PDLIM1: variants seen among roughly 807,000 people sequenced by gnomAD.
The protein encoded by PDLIM1 is PDZ and LIM domain 1, also known as PDZ and LIM domain protein 1.
A neutral mutation model predicts 35.2 loss-of-function variants in PDLIM1; 25 were observed. The ratio of observed to expected loss-of-function variants is 0.71; its 90% CI spans 0.52 to 0.99. The LOEUF (loss-of-function observed/expected upper bound fraction) is 0.99, where lower values mean the gene tolerates loss of function less well. PDLIM1 is among the 50% of genes least tolerant of loss of function. PDLIM1 has a pLI of 0.00. For synonymous variants in PDLIM1, 152 were observed against 154.0 expected, an observed-to-expected ratio of 0.99 and a Z score of 0.10; for missense variants, 363 against 415.3, an observed-to-expected ratio of 0.87 and a Z score of 1.09.
intron 4 of PDLIM1, among the ~76,000 whole-genome samples, chr10:95,256,985 AAAAAGAAAGAAAGAAAGAAAGAAAGAAAG>A (rs1162066053): frequency 1.3e-4 from 15 of 119,182 alleles, no homozygotes; most frequent in South Asian, 1.1e-3. Flanking sequence ...AAAAAAAAAA[AAAAAGAAAGAAAGAAAGAAAGAAAGAAAG>A]AAAGAAAGAA....
At chr10:95,280,476 A>G (rs2035552072) in intron 1 of PDLIM1, among the ~76,000 whole-genome samples, 1 of 152,222 alleles carries the variant, frequency 6.6e-6, no homozygotes, top group African/African-American at 2.4e-5. Context: ...TATGGAAAGC[A>G]TGATTATATG....
intron 4 of PDLIM1, among the ~76,000 whole-genome samples, chr10:95,260,068 T>A (rs1243565431): frequency 1.3e-5 from 2 of 152,272 alleles, no homozygotes; most frequent in African/African-American, 4.8e-5. Flanking sequence ...ATGGAGTTCC[T>A]CATGGAAACT....
intron 4 of PDLIM1, 115 bp from the exon 5 acceptor site, chr10:95,247,481 A>C: frequency 1.5e-5 from 12 of 826,478 alleles, no homozygotes; most frequent in Non-Finnish European, 2.1e-5. Context: ...AAATGATCTC[A>C]AAGCCCTCTC....
chr10:95,247,484 G>T, intron 4 of PDLIM1, 118 bp from the exon 5 acceptor site: 2 of 807,116 alleles, frequency 2.5e-6, no homozygotes, highest in Non-Finnish European at 3.9e-6. Flanking sequence ...TGATCTCAAA[G>T]CCCTCTCCTA....
In PDLIM1 at chr10:95,263,863, C is replaced by G; in HGVS notation, c.533+1G>C. 1.2e-6 allele frequency: 2 copies of G among 1,606,286 alleles called. No homozygotes were observed. The highest frequency in any genetic ancestry group is 1.7e-6 in the Non-Finnish European group (2 of 1,175,302). On this transcript the variant is annotated splice_donor_variant, in intron 4 of 6. Transcript: ENST00000329399. LOFTEE classifies it high-confidence loss of function. ...CAGAGGAGGACTCCTGGGCTACTTA[C>G]GGTCTGCTGTTCGCCTCCACCCCGC...
chr10:95,264,508 C>T (rs1348276569), intron 3 of PDLIM1, among the ~76,000 whole-genome samples: 2 of 152,216 alleles, frequency 1.3e-5, no homozygotes, highest in Non-Finnish European at 2.9e-5. Flanking sequence ...GAGATAAATT[C>T]TCCATAAGTG....
At chr10:95,289,530 A>G (rs2035633706) in intron 1 of PDLIM1, among the ~76,000 whole-genome samples, 1 of 152,240 alleles carries the variant, frequency 6.6e-6, no homozygotes, top group South Asian at 2.1e-4. Context: ...GGCCAGGCCA[A>G]CCGGGAAAGA....
intron 5 of PDLIM1, among the ~76,000 whole-genome samples, chr10:95,246,530 C>A (rs1248041487): frequency 3.9e-5 from 6 of 152,174 alleles, no homozygotes; most frequent in Non-Finnish European, 5.9e-5. Flanking sequence ...TCAAACACCA[C>A]AATAACTATG....
chr10:95,289,414 A>T (rs1022514524), intron 1 of PDLIM1, among the ~76,000 whole-genome samples: 1 of 152,198 alleles, frequency 6.6e-6, no homozygotes, highest in African/African-American at 2.4e-5. Context: ...ACCTTTGAGA[A>T]TAATCAGAGG....
chr10:95,260,920 C>T (rs7067693), intron 4 of PDLIM1, among the ~76,000 whole-genome samples: 3,407 of 152,342 alleles, frequency 0.022, 118 homozygotes, highest in African/African-American at 0.075. Flanking sequence ...CACCAGCAAG[C>T]TGAGATCCCC....
At chr10:95,280,191 C>T (rs2035548740) in intron 1 of PDLIM1, among the ~76,000 whole-genome samples, 1 of 152,176 alleles carries the variant, frequency 6.6e-6, no homozygotes, top group Non-Finnish European at 1.5e-5. Context: ...GCCTGGCCAA[C>T]ATGGCAAAAC....
chr10:95,238,626 C>G lies in PDLIM1; in HGVS notation c.745G>C (p.Ala249Pro), dbSNP rs145894144. The change falls in exon 6 of 7, where the codon GCG becomes CCG. Residue 249 changes from alanine to proline, a missense_variant. By Grantham distance (27) the Ala-to-Pro change is conservative (BLOSUM62 -1). Coordinates refer to ENST00000329399, the MANE Select transcript of PDLIM1 (RefSeq NM_020992.4). ...SVKAPVTKVA[A>P]SIGNAQKLPM... ...AACTTCTGAGCATTTCCAATCGACG[C>G]AGCCACTTTAGTGACAGGAGCTTTA... 3 of 1,614,134 alleles carry G rather than the reference C, an allele frequency of 1.9e-6. No homozygotes were observed. The South Asian group carries it at 3.3e-5, about 18-fold the overall frequency.
Position 95,286,467 on chromosome 10 carries a change from G to C in PDLIM1, c.96+4353C>G, listed in dbSNP as rs1222380409. Reference sequence around the variant, plus strand: ...AATATTATTTTATTTTATCTTTACAGGGAACTGAACCCAGGAGAAGACATA... The same window carrying C: ...AATATTATTTTATTTTATCTTTACACGGAACTGAACCCAGGAGAAGACATA... On this transcript the variant is annotated intron_variant, in intron 1 of 6. Coordinates refer to ENST00000329399, the MANE Select transcript of PDLIM1 (RefSeq NM_020992.4). Among the ~76,000 whole-genome samples, 10 of 152,058 alleles carry C rather than the reference G, an allele frequency of 6.6e-5. 1 individual carries two copies. In the South Asian group the frequency reaches 1.7e-3, roughly 25 times the overall value.
At chr10:95,263,710 G>A (rs1244905558) in intron 4 of PDLIM1, among the ~76,000 whole-genome samples, 154 bp downstream of exon 4, 1 of 152,214 alleles carries the variant, frequency 6.6e-6, no homozygotes, top group Non-Finnish European at 1.5e-5. Context: ...TGTCCCCTTT[G>A]TGTAGATGAA....
At position 95,290,877 on chromosome 10, in the gene PDLIM1, C is replaced by T. The variant is rs2035647683; in HGVS notation, c.39G>A (p.Pro13=). 6.4e-7 allele frequency: 1 copy of T among 1,563,130 alleles called. No homozygotes were observed. Among genetic ancestry groups the T allele is most frequent in the Non-Finnish European group, 8.7e-7 (1 of 1,154,362 alleles). The part of the protein sequence containing the change: ...TQQIDLQGPG[P]WGFRLVGGKD... ...TGCCGCCCACGAGGCGGAAGCCCCA[C>T]GGCCCCGGGCCCTGGAGGTCTATCT... is the stretch of plus-strand genomic sequence containing the variant. Residue 13 remains proline, a synonymous_variant, in exon 1 of 7, where the codon CCG becomes CCA. Transcript: ENST00000329399. This position sits in a 1 kb window ranked among gnomAD's most constrained non-coding sequence, Gnocchi z 4.7.
At chr10:95,244,499 T>C (rs2035202773) in intron 5 of PDLIM1, among the ~76,000 whole-genome samples, 2 of 152,248 alleles carry the variant, frequency 1.3e-5, no homozygotes, top group South Asian at 4.1e-4. Flanking sequence ...CAGTGCTCTT[T>C]CTGCCCTGCA....
At chr10:95,273,951 T>C (rs2035489134) in intron 1 of PDLIM1, among the ~76,000 whole-genome samples, 1 of 152,194 alleles carries the variant, frequency 6.6e-6, no homozygotes, top group Admixed American at 6.5e-5. Flanking sequence ...TTGGCAAGCG[T>C]TCTTGACTGA....
chr10:95,276,631 T>C (rs2035513707), intron 1 of PDLIM1, among the ~76,000 whole-genome samples: 1 of 152,164 alleles, frequency 6.6e-6, no homozygotes, highest in South Asian at 2.1e-4. Context: ...GTACCAAGCA[T>C]GACAAAGTCT....
At chr10:95,250,756 C>T (rs750645744) in intron 4 of PDLIM1, among the ~76,000 whole-genome samples, 6 of 152,180 alleles carry the variant, frequency 3.9e-5, no homozygotes, top group Non-Finnish European at 5.9e-5. Flanking sequence ...GTTTTAATAA[C>T]GAGTTTAAGC....
Sources: allele counts gnomAD v4.1 joint callset (sites outside exome capture counted in the v4.1 genomes callset), GRCh38; gene constraint gnomAD v4.1.1; non-coding constraint Gnocchi (gnomAD v3.1); transcripts MANE v1.5; gene names NCBI Gene and HGNC (gene_info 2026-07-23, HGNC 2026-07-21).